Variants in RNLS observed in about 807,000 individuals in gnomAD.
RNLS encodes renalase.
Under a neutral mutation model 39.8 loss-of-function variants are expected in RNLS, and 39 were observed. That is an observed-to-expected ratio of 0.98 (90% CI 0.76 to 1.28). RNLS has a LOEUF of 1.28. Among genes scored for constraint, RNLS ranks in the 50% most tolerant of loss-of-function variants. The probability of loss-of-function intolerance (pLI) is 0.00; values close to 1 mark genes in which losing one functional copy is unlikely to be tolerated. For synonymous variants in RNLS, 147 were observed against 150.7 expected (o/e 0.98, Z 0.18); for missense variants, 410 against 413.3 (o/e 0.99, Z 0.07).
chr10:88,214,654 A>G, the RNLS span, among the ~76,000 whole-genome samples: 73 of 151,962 alleles, frequency 4.8e-4, no homozygotes, highest in African/African-American at 1.5e-3. Flanking sequence ...CTTCATTTTC[A>G]TTTTCAGTTT....
chr10:88,200,429 A>C, the RNLS span, among the ~76,000 whole-genome samples: 1 of 152,126 alleles, frequency 6.6e-6, no homozygotes, highest in African/African-American at 2.4e-5. Context: ...CAAGTGATGG[A>C]AAGTGATGAG....
At chr10:88,240,001 A>G in the RNLS span, among the ~76,000 whole-genome samples, 1 of 152,244 alleles carries the variant, frequency 6.6e-6, no homozygotes, top group Non-Finnish European at 1.5e-5. Context: ...AATCTTAATG[A>G]TAACCCAAAA....
chr10:88,282,206 T>G (rs1446490834), downstream of RNLS, among the ~76,000 whole-genome samples: 1 of 152,150 alleles, frequency 6.6e-6, no homozygotes, highest in Non-Finnish European at 1.5e-5. Flanking sequence ...GTTAACTCTC[T>G]GAAATGAAAC....
intron 4 of RNLS, among the ~76,000 whole-genome samples, chr10:88,501,027 G>A (rs1399614272): frequency 6.6e-6 from 1 of 151,700 alleles, no homozygotes; most frequent in African/African-American, 2.4e-5. Flanking sequence ...CTCTGTGTGT[G>A]TGTGTGTGTG....
intron 4 of RNLS, among the ~76,000 whole-genome samples, chr10:88,367,734 C>T (rs1307716416): frequency 6.6e-6 from 1 of 152,104 alleles, no homozygotes; most frequent in Admixed American, 6.6e-5. Context: ...GATACTATTA[C>T]ATTGTCGTTT....
At chr10:88,440,226 C>T (rs1841634319) in intron 4 of RNLS, among the ~76,000 whole-genome samples, 1 of 152,148 alleles carries the variant, frequency 6.6e-6, no homozygotes, top group South Asian at 2.1e-4. Flanking sequence ...TTAACAAGCA[C>T]CTCCATGGAT....
intron 4 of RNLS, among the ~76,000 whole-genome samples, chr10:88,556,618 CT>C (rs1392235708): frequency 6.6e-6 from 1 of 152,126 alleles, no homozygotes; most frequent in Non-Finnish European, 1.5e-5. Context: ...GCCACTGTCC[CT>C]TTCATATACA....
At chr10:88,378,966 C>T (rs868158936) in intron 4 of RNLS, among the ~76,000 whole-genome samples, 1 of 152,156 alleles carries the variant, frequency 6.6e-6, no homozygotes, top group Non-Finnish European at 1.5e-5. Context: ...TAGTCATTTA[C>T]TACCACTATA....
chr10:88,330,955 C>T (rs1270549406), intron 5 of RNLS, among the ~76,000 whole-genome samples: 1 of 152,004 alleles, frequency 6.6e-6, no homozygotes, highest in South Asian at 2.1e-4. Flanking sequence ...AAATCCTAAA[C>T]CATATTAAGT....
the RNLS span, among the ~76,000 whole-genome samples, chr10:88,186,671 G>C: frequency 6.6e-6 from 1 of 152,016 alleles, no homozygotes; most frequent in South Asian, 2.1e-4. Context: ...CACATGTAAT[G>C]CTTCCCACTT....
chr10:88,185,063 G>T, the RNLS span, among the ~76,000 whole-genome samples: 51,891 of 151,982 alleles, frequency 0.34, 9,388 homozygotes, highest in East Asian at 0.42. Context: ...CCACTGATCA[G>T]AAATATAGTC....
At chr10:88,581,862 T>G (rs1264719828) in intron 2 of RNLS, among the ~76,000 whole-genome samples, 153 bp from the exon 3 acceptor site, 3 of 152,232 alleles carry the variant, frequency 2.0e-5, no homozygotes, top group Non-Finnish European at 4.4e-5. Flanking sequence ...AAATGTATAA[T>G]TTGTGTTAAA....
At chr10:88,210,604 A>G in the RNLS span, among the ~76,000 whole-genome samples, 2 of 152,062 alleles carry the variant, frequency 1.3e-5, no homozygotes, top group African/African-American at 4.8e-5. Flanking sequence ...TCACAGAACA[A>G]TTGTAACATT....
At chr10:88,456,916 A>G (rs1332353230) in intron 4 of RNLS, among the ~76,000 whole-genome samples, 1 of 152,202 alleles carries the variant, frequency 6.6e-6, no homozygotes, top group African/African-American at 2.4e-5. Context: ...TTCTTGCACA[A>G]TATCAGTGGC....
At chr10:88,209,268 G>T in the RNLS span, among the ~76,000 whole-genome samples, 1 of 152,048 alleles carries the variant, frequency 6.6e-6, no homozygotes, top group Non-Finnish European at 1.5e-5. Flanking sequence ...TTGGAAATAG[G>T]GACATTGCAG....
At chr10:88,509,951 C>A (rs1033452966) in intron 4 of RNLS, among the ~76,000 whole-genome samples, 1 of 152,102 alleles carries the variant, frequency 6.6e-6, no homozygotes, top group South Asian at 2.1e-4. Context: ...CCCATTCCAC[C>A]TCTGATAAAT....
intron 4 of RNLS, among the ~76,000 whole-genome samples, chr10:88,502,041 C>A (rs1845520630): frequency 6.6e-6 from 1 of 152,004 alleles, no homozygotes; most frequent in African/African-American, 2.4e-5. Context: ...ATCTTTGTAT[C>A]CATTGTTCTG....
At chr10:88,366,800 C>T (rs1405331390) in intron 4 of RNLS, among the ~76,000 whole-genome samples, 1 of 150,742 alleles carries the variant, frequency 6.6e-6, no homozygotes, top group Non-Finnish European at 1.5e-5. Context: ...CCTTTAGTAA[C>T]CTGATGTTAA....
At chr10:88,203,437 CGTGT>C in the RNLS span, among the ~76,000 whole-genome samples, 3 of 2,262 alleles carry the variant, frequency 1.3e-3, no homozygotes, top group East Asian at 0.014. Context: ...TATATATATA[CGTGT>C]GTGTGTGTGT....
Sources: allele counts gnomAD v4.1 joint callset (sites outside exome capture counted in the v4.1 genomes callset), GRCh38; gene constraint gnomAD v4.1.1; transcripts MANE v1.5; gene names NCBI Gene and HGNC (gene_info 2026-07-23, HGNC 2026-07-21).